The following PCDHA13 variants were observed in gnomAD, a reference collection of about 807,000 sequenced individuals.
PCDHA13 encodes protocadherin alpha-13.
In PCDHA13, 54 loss-of-function variants were observed where a neutral mutation model predicts 64.8. The ratio of observed to expected loss-of-function variants is 0.83; its 90% CI spans 0.67 to 1.04. The LOEUF (loss-of-function observed/expected upper bound fraction) is 1.04. Among genes scored for constraint, PCDHA13 ranks in the 50% least tolerant of loss-of-function variants. The pLI is 0.00. For missense variants in PCDHA13, 1,248 were observed against 1,254.3 expected (o/e 0.99, Z 0.08); for synonymous variants, 587 against 564.4 (o/e 1.04, Z -0.57).
At chr5:140,886,403 AT>A (rs1196342524) in intron 1 of PCDHA13, among the ~76,000 whole-genome samples, 19 of 152,184 alleles carry the variant, frequency 1.2e-4, no homozygotes, top group African/African-American at 4.6e-4. Context: ...CATCACAAAT[AT>A]GTTTTCCTCC....
chr5:140,928,288 C>G, intron 1 of PCDHA13: 2 of 1,614,156 alleles, frequency 1.2e-6, no homozygotes, highest in Non-Finnish European at 1.7e-6. Flanking sequence ...CTCTCTAGGC[C>G]GAGTGTTTGC....
intron 3 of PCDHA13, among the ~76,000 whole-genome samples, chr5:140,996,441 C>G (rs2097726719): frequency 6.6e-6 from 1 of 152,146 alleles, no homozygotes; most frequent in Non-Finnish European, 1.5e-5. Context: ...TAGTCAGTGT[C>G]AAGTTGTGGT....
chr5:141,005,451 C>G (rs1263058026), intron 3 of PCDHA13, among the ~76,000 whole-genome samples: 1 of 151,986 alleles, frequency 6.6e-6, no homozygotes, highest in Non-Finnish European at 1.5e-5. Flanking sequence ...CGCCTGTAAT[C>G]CCAGCACTTT....
At chr5:140,929,250 G>A (rs995042103) in intron 1 of PCDHA13, 2 of 1,613,420 alleles carry the variant, frequency 1.2e-6, no homozygotes, top group Admixed American at 1.7e-5. Flanking sequence ...TTGCCACTGG[G>A]GTAGGACTGA....
chr5:140,940,551 T>C (rs2092639776), intron 1 of PCDHA13, among the ~76,000 whole-genome samples: 1 of 152,214 alleles, frequency 6.6e-6, no homozygotes, highest in African/African-American at 2.4e-5. Context: ...TGGGCTCAAG[T>C]GATTCTCCTA....
At chr5:140,944,134 A>G (rs890508296) in intron 1 of PCDHA13, among the ~76,000 whole-genome samples, 1 of 152,122 alleles carries the variant, frequency 6.6e-6, no homozygotes, top group East Asian at 1.9e-4. Context: ...GAAAAGGTTG[A>G]AGATTAGAAG....
intron 1 of PCDHA13, among the ~76,000 whole-genome samples, chr5:140,937,615 T>TCAAAAAAAAAAAAAAAAAAAAAAAAA (rs1472779704): frequency 4.0e-5 from 6 of 149,436 alleles, no homozygotes; most frequent in African/African-American, 1.5e-4. Flanking sequence ...ATACTCCATC[T>TCAAAAAAAAAAAAAAAAAAAAAAAAA]AAAAAGAAAA....
chr5:140,894,675 A>G lies in PCDHA13; in HGVS notation c.2394+10013A>G, dbSNP rs78197412. Reference sequence around the variant, plus strand: ...CTAATTCTGATTTGTGTATTCTTGCATAGCTTTTCATTATTTTCTAAAAAT... The same window carrying G: ...CTAATTCTGATTTGTGTATTCTTGCGTAGCTTTTCATTATTTTCTAAAAAT... On this transcript the variant is annotated intron_variant, in intron 1 of 3. Coordinates refer to ENST00000289272, the MANE Select transcript of PCDHA13 (RefSeq NM_018904.3). 4.6e-3 allele frequency among the ~76,000 whole-genome samples: 702 copies of G among 151,998 alleles called. 3 individuals carry two copies. The highest frequency in any genetic ancestry group is 0.016 in the African/African-American group (679 of 41,480).
At chr5:140,968,661 T>C (rs1554230945) in intron 1 of PCDHA13, 1 of 1,614,182 alleles carries the variant, frequency 6.2e-7, no homozygotes, top group East Asian at 2.2e-5. Flanking sequence ...GACCTGGACC[T>C]CTTTAAGGTA....
At chr5:140,888,686 T>C (rs1326536229) in intron 1 of PCDHA13, among the ~76,000 whole-genome samples, 1 of 152,214 alleles carries the variant, frequency 6.6e-6, no homozygotes, top group Non-Finnish European at 1.5e-5. Context: ...AAGAGGTCTC[T>C]CTTCTCTGAT....
At chr5:140,979,175 A>C in intron 2 of PCDHA13, 168 bp downstream of exon 2, 8 of 951,628 alleles carry the variant, frequency 8.4e-6, no homozygotes, top group Non-Finnish European at 1.0e-5. Flanking sequence ...AAAGATCGCA[A>C]ATGGTCAGTG....
At chr5:140,902,442 T>G (rs1182491503) in intron 1 of PCDHA13, among the ~76,000 whole-genome samples, 1 of 152,166 alleles carries the variant, frequency 6.6e-6, no homozygotes, top group Non-Finnish European at 1.5e-5. Flanking sequence ...CCTTGTCATA[T>G]TCTAGATCCT....
At chr5:140,925,141 A>G (rs1287522151) in intron 1 of PCDHA13, among the ~76,000 whole-genome samples, 1 of 151,690 alleles carries the variant, frequency 6.6e-6, no homozygotes, top group Non-Finnish European at 1.5e-5. Context: ...TTTCAAACAT[A>G]CACAAAAGTT....
At chr5:140,965,496 ATTTTTT>A (rs71766133) in intron 1 of PCDHA13, among the ~76,000 whole-genome samples, 2 of 146,442 alleles carry the variant, frequency 1.4e-5, no homozygotes, top group African/African-American at 2.5e-5. Flanking sequence ...ATGACAGCAG[ATTTTTT>A]TTTTTTTTTA....
intron 1 of PCDHA13, among the ~76,000 whole-genome samples, chr5:140,943,274 A>G (rs1179008027): frequency 6.4e-5 from 9 of 141,284 alleles, no homozygotes; most frequent in Non-Finnish European, 1.0e-4. Flanking sequence ...AAAAAAAAAA[A>G]AAAGAAAGAA....
At position 141,009,931 on chromosome 5, in the gene PCDHA13, C is replaced by T. The variant is rs2098415407; in HGVS notation, c.2847C>T (p.Asp949=). ...EKGNSTTDNS[D]Q ...GGAACAGCACGACTGACAACAGTGA[C>T]CAGTGAGGTCCTCAAATGGAAACAA... Residue 949 remains aspartate (D), a synonymous_variant, in exon 4 of 4, where the codon GAC becomes GAT. Transcript: ENST00000289272. The T allele has an allele frequency of 6.2e-7, 1 of 1,601,706 alleles. No individual in the cohort carries two copies. The highest frequency in any genetic ancestry group is 8.5e-7 in the Non-Finnish European group (1 of 1,175,864).
intron 1 of PCDHA13, chr5:140,966,814 CCGG>C (rs2096057641): frequency 1.9e-6 from 3 of 1,552,444 alleles, no homozygotes; most frequent in Non-Finnish European, 2.6e-6. Flanking sequence ...ATCCACGGCT[CCGG>C]CGGCCCATGC....
intron 3 of PCDHA13, among the ~76,000 whole-genome samples, chr5:140,989,275 G>A (rs2097335515): frequency 6.6e-6 from 1 of 152,096 alleles, no homozygotes; most frequent in African/African-American, 2.4e-5. Context: ...TTTCTGCTGG[G>A]GACATCTCAG....
chr5:140,967,774 G>C (rs1447955993), intron 1 of PCDHA13: 3 of 1,614,106 alleles, frequency 1.9e-6, no homozygotes, highest in Non-Finnish European at 1.7e-6. Context: ...TCTATGTGCA[G>C]GCGACTGACC....
Sources: gnomAD v4.1 joint callset for allele counts (sites outside exome capture counted in the v4.1 genomes callset) on GRCh38, gnomAD v4.1.1 for gene constraint, MANE v1.5 for transcripts, NCBI Gene and HGNC (gene_info 2026-07-23, HGNC 2026-07-21) for gene names.